The following SAMD5 variants were observed in gnomAD, a reference collection of about 807,000 sequenced individuals.
SAMD5 encodes the protein sterile alpha motif domain containing 5.
A neutral mutation model predicts 11.3 loss-of-function variants in SAMD5; 13 were observed. The ratio of observed to expected loss-of-function variants is 1.15; its 90% CI spans 0.75 to 1.83. The LOEUF is 1.83. Ranked by LOEUF, SAMD5 falls within the 40% of genes most tolerant of loss-of-function variation. SAMD5 has a pLI of 0.00. For missense variants in SAMD5, 255 were observed against 239.1 expected (o/e 1.07, Z -0.44); for synonymous variants, 129 against 111.3 (o/e 1.16, Z -1.00).
At chr6:147,829,421 A>G in the SAMD5 span, among the ~76,000 whole-genome samples, 1 of 152,182 alleles carries the variant, frequency 6.6e-6, no homozygotes, top group East Asian at 1.9e-4. Flanking sequence ...GCGTAGTCTC[A>G]GTTTCAGTAC....
chr6:147,594,343 TC>T (rs1789498846), intron 1 of SAMD5, among the ~76,000 whole-genome samples: 1 of 152,142 alleles, frequency 6.6e-6, no homozygotes, highest in Admixed American at 6.5e-5. Flanking sequence ...TAGTCTCTAT[TC>T]CTTTTTGTTA....
chr6:147,821,827 T>C, the SAMD5 span, among the ~76,000 whole-genome samples: 1 of 152,328 alleles, frequency 6.6e-6, no homozygotes, highest in South Asian at 2.1e-4. Flanking sequence ...TTGTATTTTA[T>C]AAGTATGTCC....
chr6:147,585,354 G>C (rs141694119), intron 1 of SAMD5, among the ~76,000 whole-genome samples: 1 of 152,142 alleles, frequency 6.6e-6, no homozygotes, highest in South Asian at 2.1e-4. Flanking sequence ...ATTACAGCAT[G>C]AGCCCCTGCC....
intron 1 of SAMD5, among the ~76,000 whole-genome samples, chr6:147,616,705 A>C (rs1789878524): frequency 1.3e-5 from 2 of 152,352 alleles, no homozygotes; most frequent in Admixed American, 1.3e-4. Flanking sequence ...TAATTGACTC[A>C]GTTACGCATG....
chr6:147,877,907 A>C, the SAMD5 span, among the ~76,000 whole-genome samples: 10,042 of 90,618 alleles, frequency 0.11, 562 homozygotes, highest in Non-Finnish European at 0.13. Context: ...AGATAGATAG[A>C]TAGCTAGCTA....
the SAMD5 span, among the ~76,000 whole-genome samples, chr6:147,891,813 A>T: frequency 6.6e-6 from 1 of 151,552 alleles, no homozygotes; most frequent in Non-Finnish European, 1.5e-5. Context: ...AGAGCTTGGC[A>T]GGAAAGCAGA....
intron 1 of SAMD5, among the ~76,000 whole-genome samples, chr6:147,520,410 G>A (rs1415618786): frequency 6.6e-6 from 1 of 152,158 alleles, no homozygotes; most frequent in Non-Finnish European, 1.5e-5. Flanking sequence ...GCCATGCCCG[G>A]TTGAGAACTT....
the SAMD5 span, among the ~76,000 whole-genome samples, chr6:147,796,470 C>G: frequency 0.013 from 2,015 of 152,116 alleles, 50 homozygotes; most frequent in African/African-American, 0.042. Flanking sequence ...GTTACTGTAG[C>G]CTTGTAGTAT....
intron 1 of SAMD5, among the ~76,000 whole-genome samples, chr6:147,630,382 C>A (rs4632911): frequency 0.48 from 72,336 of 151,978 alleles, 17,691 homozygotes; most frequent in Middle Eastern, 0.57. Context: ...GTTTGTCAGG[C>A]CTCTGAGTCC....
intron 1 of SAMD5, among the ~76,000 whole-genome samples, chr6:147,550,031 G>C (rs1788744212): frequency 6.6e-6 from 1 of 151,106 alleles, no homozygotes; most frequent in East Asian, 1.9e-4. Context: ...GATCACTTGG[G>C]CCCAGGATTT....
chr6:147,728,154 A>AGG (rs1791656271), intron 1 of SAMD5, among the ~76,000 whole-genome samples: 2 of 106,948 alleles, frequency 1.9e-5, no homozygotes, highest in Non-Finnish European at 2.2e-5. Flanking sequence ...GGCTGGGCCC[A>AGG]GCGGCTCACA....
chr6:147,898,159 A>G, the SAMD5 span, among the ~76,000 whole-genome samples: 25 of 151,984 alleles, frequency 1.6e-4, no homozygotes, highest in Non-Finnish European at 3.1e-4. Flanking sequence ...AAGCATACCC[A>G]CAGGACTTGG....
chr6:147,917,661 G>T, the SAMD5 span, among the ~76,000 whole-genome samples: 1 of 152,094 alleles, frequency 6.6e-6, no homozygotes, highest in Non-Finnish European at 1.5e-5. Context: ...GTATTGCCTA[G>T]GTTTTCTTCT....
intron 1 of SAMD5, among the ~76,000 whole-genome samples, chr6:147,731,007 G>C (rs1791705272): frequency 6.6e-6 from 1 of 152,174 alleles, no homozygotes; most frequent in South Asian, 2.1e-4. Flanking sequence ...TAAATATTGA[G>C]CCTGTACTAA....
chr6:147,791,111 A>G, the SAMD5 span, among the ~76,000 whole-genome samples: 1 of 151,936 alleles, frequency 6.6e-6, no homozygotes, highest in African/African-American at 2.4e-5. Context: ...CCTGGCCAAC[A>G]TGGGGAAACC....
chr6:147,948,200 A>G, the SAMD5 span, among the ~76,000 whole-genome samples: 2 of 151,586 alleles, frequency 1.3e-5, no homozygotes, highest in African/African-American at 4.8e-5. Flanking sequence ...TTTTCTAGAT[A>G]TGTTGTTGAT....
intron 1 of SAMD5, among the ~76,000 whole-genome samples, chr6:147,626,791 GAAAAAAAAAAAAAA>G (rs529975933): frequency 5.5e-5 from 3 of 54,718 alleles, no homozygotes; most frequent in Non-Finnish European, 3.7e-5. Context: ...CTGTTTCTAT[GAAAAAAAAAAAAAA>G]AAAAAAAAAA....
At chr6:147,611,804 T>C (rs530091082) in intron 1 of SAMD5, among the ~76,000 whole-genome samples, 1 of 152,208 alleles carries the variant, frequency 6.6e-6, no homozygotes, top group East Asian at 1.9e-4. Flanking sequence ...GTGGCCAGAA[T>C]CTCACTCAGG....
the SAMD5 span, among the ~76,000 whole-genome samples, chr6:147,795,905 A>C: frequency 6.6e-6 from 1 of 151,810 alleles, no homozygotes; most frequent in Non-Finnish European, 1.5e-5. Flanking sequence ...CCACTCTTTG[A>C]TGGGGTTGTT....
Sources: gnomAD v4.1 joint callset for allele counts (sites outside exome capture counted in the v4.1 genomes callset) on GRCh38, gnomAD v4.1.1 for gene constraint, MANE v1.5 for transcripts, NCBI Gene and HGNC (gene_info 2026-07-23, HGNC 2026-07-21) for gene names.